The following INVS variants were observed in gnomAD, a reference collection of about 807,000 sequenced individuals.
INVS encodes the protein inversin, also known as inversion of embryo turning homolog.
INVS carries 86 observed loss-of-function variants against 108.8 expected under a neutral mutation model. The observed-to-expected ratio is 0.79, with a 90% confidence interval of 0.66 to 0.95. The LOEUF (loss-of-function observed/expected upper bound fraction) is 0.95. INVS is among the 40% of genes least tolerant of loss of function. The pLI, the probability that INVS is intolerant of heterozygous loss-of-function variation, is 0.00. For missense variants in INVS, 1,169 were observed against 1,297.4 expected, an observed-to-expected ratio of 0.90 and a Z score of 1.52; for synonymous variants, 455 against 473.5, an observed-to-expected ratio of 0.96 and a Z score of 0.51.
At position 100,297,075 on chromosome 9, in the gene INVS, C is replaced by A; in HGVS notation, c.2945C>A (p.Ala982Asp). The A allele has an allele frequency of 6.2e-7, 1 of 1,614,016 alleles. No individual in the cohort carries two copies. Among genetic ancestry groups the A allele is most frequent in the South Asian group, 1.1e-5 (1 of 91,078 alleles). ...KFPQTTAVSKAPKSPSKGTSG... is the reference protein window; with the variant it reads ...KFPQTTAVSKDPKSPSKGTSG... ...CCCCAAACCACTGCAGTAAGCAAGG[C>A]CCCCAAGAGTCCATCCAAGGGCACC... Residue 982 changes from alanine (A) to aspartate (D), a missense_variant, in exon 15 of 17, where the codon GCC (alanine) becomes GAC (aspartate). Transcript: ENST00000262457.
intron 2 of INVS, among the ~76,000 whole-genome samples, chr9:100,111,929 C>T (rs946257988): frequency 3.9e-5 from 6 of 152,056 alleles, no homozygotes; most frequent in African/African-American, 1.4e-4. Flanking sequence ...CAAGACAGGA[C>T]CTAAGTGAGG....
At chr9:100,202,201 C>G (rs961313374) in intron 3 of INVS, among the ~76,000 whole-genome samples, 4 of 152,046 alleles carry the variant, frequency 2.6e-5, no homozygotes, top group Admixed American at 2.6e-4. Context: ...TTCCTTAAGC[C>G]TAGCTAGAGT....
intron 3 of INVS, among the ~76,000 whole-genome samples, chr9:100,154,174 T>C (rs147001339): frequency 6.6e-6 from 1 of 152,022 alleles, no homozygotes; most frequent in East Asian, 1.9e-4. Context: ...TTTGTTGTTT[T>C]TGTTTTTGAG....
intron 7 of INVS, among the ~76,000 whole-genome samples, chr9:100,245,290 TTTTG>T (rs1294237831): frequency 6.6e-6 from 1 of 152,142 alleles, no homozygotes; most frequent in Non-Finnish European, 1.5e-5. Context: ...TTGTTTTTGT[TTTTG>T]TTTGAGATGG....
chr9:100,294,083 G>A (rs1319584739), intron 14 of INVS, among the ~76,000 whole-genome samples: 7 of 152,140 alleles, frequency 4.6e-5, no homozygotes, highest in Non-Finnish European at 7.3e-5. Flanking sequence ...CAGGAGGATC[G>A]CTTGAGCCCA....
chr9:100,301,902 A>G lies in INVS; in HGVS notation c.*1228A>G, dbSNP rs1026532680. 6.6e-6 allele frequency among the ~76,000 whole-genome samples: 1 copy of G among 152,182 alleles called. No homozygotes were observed. Among genetic ancestry groups the G allele is most frequent in the Non-Finnish European group, 1.5e-5 (1 of 68,038 alleles). On this transcript the variant is annotated 3_prime_UTR_variant, in exon 17 of 17. Coordinates refer to ENST00000262457, the MANE Select transcript of INVS (RefSeq NM_014425.5). ...AAAGATTTAGCCAGTTTCTTGGTAT[A>G]TAACAGAAGGTACCACAGTATCACT...
chr9:100,264,169 C>T (rs1198313032), intron 10 of INVS, among the ~76,000 whole-genome samples: 6 of 152,144 alleles, frequency 3.9e-5, no homozygotes, highest in Admixed American at 1.3e-4. Flanking sequence ...TTAAAGAATA[C>T]AAGCCATTTA....
chr9:100,186,198 G>A lies in INVS; in HGVS notation c.274-39864G>A, dbSNP rs58669459. ...GGAGTTTCACTCCGTCACCCAGGCTGGAGTGCAGTAGCGCAATCTCAGCTC... is the reference window on the plus strand; with the variant it reads ...GGAGTTTCACTCCGTCACCCAGGCTAGAGTGCAGTAGCGCAATCTCAGCTC... On this transcript the variant is annotated intron_variant, in intron 3 of 16. Transcript: ENST00000262457. Among the ~76,000 whole-genome samples the A allele has an allele frequency of 4.5e-3, 690 of 152,080 alleles. 6 individuals carry two copies. Among genetic ancestry groups the A allele is most frequent in the African/African-American group, 0.016 (645 of 41,452 alleles).
At chr9:100,134,038 C>T (rs545455348) in intron 3 of INVS, among the ~76,000 whole-genome samples, 4 of 152,188 alleles carry the variant, frequency 2.6e-5, no homozygotes, top group East Asian at 3.9e-4. Flanking sequence ...GTACACCCAT[C>T]GCCCGAGCAG....
chr9:100,301,130 A>G lies in INVS; in HGVS notation c.*456A>G, dbSNP rs541288915. 1.4e-5 allele frequency: 3 copies of G among 208,734 alleles called. No homozygotes were observed. The South Asian group carries it at 2.2e-4, about 16-fold the overall frequency. The allele number at this position is 208,734 out of a possible 1,614,324, so 12.9% of individuals were successfully genotyped here. On this transcript the variant is annotated 3_prime_UTR_variant, in exon 17 of 17. Transcript: ENST00000262457. ...CACTACTTTCCTGGCATCTAATGCA[A>G]CAAACTTATCACACACACACACACA...
At chr9:100,213,135 A>G (rs1402604438) in intron 3 of INVS, among the ~76,000 whole-genome samples, 2 of 147,258 alleles carry the variant, frequency 1.4e-5, no homozygotes, top group African/African-American at 5.0e-5. Flanking sequence ...TCGTGATGTA[A>G]TCATCTTCCA....
At chr9:100,197,403 A>G (rs1479968500) in intron 3 of INVS, among the ~76,000 whole-genome samples, 10 of 152,048 alleles carry the variant, frequency 6.6e-5, no homozygotes, top group Admixed American at 6.6e-4. Context: ...CAAAACACTG[A>G]CTCTATCAAA....
At chr9:100,191,035 A>AT (rs1400204349) in intron 3 of INVS, among the ~76,000 whole-genome samples, 2 of 151,704 alleles carry the variant, frequency 1.3e-5, no homozygotes, top group African/African-American at 2.4e-5. Context: ...TAATTTTTTA[A>AT]TTTTTTATAG....
chr9:100,175,589 T>C, intron 3 of INVS: 1 of 701,328 alleles, frequency 1.4e-6, no homozygotes, highest in South Asian at 1.5e-5. Context: ...GAATAAAATA[T>C]AAGAGGTGGC....
At chr9:100,260,150 G>A (rs1424937764) in intron 10 of INVS, among the ~76,000 whole-genome samples, 2 of 149,260 alleles carry the variant, frequency 1.3e-5, no homozygotes, top group East Asian at 2.0e-4. Context: ...GATTACAGAT[G>A]TGAGCCACCA....
At position 100,292,244 on chromosome 9, in the gene INVS, T is replaced by G. The variant is rs1833640644; in HGVS notation, c.2069-82T>G. The G allele has an allele frequency of 4.0e-6, 5 of 1,246,094 alleles. No homozygotes were observed. In the African/African-American group the frequency reaches 5.9e-5, roughly 15 times the overall value. 77.2% of individuals were successfully genotyped at this position (1,246,094 alleles called of 1,614,324 possible). ...TATTATGGTGATGATATAGGCTAAG[T>G]CTGAATATTTTATGTGAACATATTA... On this transcript the variant is annotated intron_variant, in intron 13 of 16. Transcript: ENST00000262457.
chr9:100,179,807 C>T (rs1233477642), intron 3 of INVS, among the ~76,000 whole-genome samples: 6 of 152,198 alleles, frequency 3.9e-5, no homozygotes, highest in Non-Finnish European at 7.3e-5. Context: ...TAAACATCTA[C>T]AGAACTCTCC....
Position 100,155,969 on chromosome 9 carries a change from C to T in INVS, c.273+29420C>T, listed in dbSNP as rs540270958. On this transcript the variant is annotated intron_variant, in intron 3 of 16. Transcript: ENST00000262457. ...AAAGCCTAGAAGTAATGACTAACCCCATGAAGGATCACCTCCATCACCCAG... is the reference window on the plus strand; with the variant it reads ...AAAGCCTAGAAGTAATGACTAACCCTATGAAGGATCACCTCCATCACCCAG... Among the ~76,000 whole-genome samples the T allele has an allele frequency of 2.0e-5, 3 of 152,284 alleles. 1 individual carries two copies. In the South Asian group the frequency reaches 6.2e-4, roughly 32 times the overall value.
At position 100,284,478 on chromosome 9, in the gene INVS, A is replaced by G. The variant is rs116686341; in HGVS notation, c.1943A>G (p.Asn648Ser). The G allele has an allele frequency of 6.8e-5, 109 of 1,614,162 alleles. No homozygotes were observed. The East Asian group carries it at 2.1e-3, about 32-fold the overall frequency. Reference sequence around the variant, plus strand: ...CCCAGCAAGCAGCCTCCTGCTGGCAACGTGGCCCAAGGCCCTGAGCCAAGA... The same window carrying G: ...CCCAGCAAGCAGCCTCCTGCTGGCAGCGTGGCCCAAGGCCCTGAGCCAAGA... ...RAPSKQPPAG[N>S]VAQGPEPRDS... The change falls in exon 13 of 17, where the codon AAC becomes AGC. Residue 648 changes from asparagine (N) to serine (S), a missense_variant. Physicochemically the swap from Asn to Ser is conservative, Grantham distance 46 (BLOSUM62 1). Around this residue, in one of 3 missense-constraint regions of INVS, gnomAD observed 533 missense variants for 536.0 expected, o/e 0.99. Transcript: ENST00000262457.
Sources: allele counts gnomAD v4.1 joint callset (sites outside exome capture counted in the v4.1 genomes callset), GRCh38; gene constraint gnomAD v4.1.1; regional missense constraint gnomAD v4.1.1; transcripts MANE v1.5; gene names NCBI Gene and HGNC (gene_info 2026-07-23, HGNC 2026-07-21).